Variants in ARB2A observed in about 807,000 individuals in gnomAD.
The protein encoded by ARB2A is cotranscriptional regulator ARB2A.
the ARB2A span, among the ~76,000 whole-genome samples, chr5:93,857,638 A>G: frequency 2.6e-5 from 4 of 152,168 alleles, no homozygotes; most frequent in African/African-American, 9.7e-5. Flanking sequence ...GCCCGTCGGA[A>G]AAGTGCAGTA....
At chr5:94,000,537 T>C in the ARB2A span, among the ~76,000 whole-genome samples, 2 of 152,282 alleles carry the variant, frequency 1.3e-5, no homozygotes, top group Admixed American at 1.3e-4. Context: ...TTAAGAGATC[T>C]TTGTTATTTT....
chr5:93,735,010 G>C, the ARB2A span: 1 of 152,086 alleles, frequency 6.6e-6, no homozygotes, highest in Non-Finnish European at 1.5e-5. Context: ...GTCCACCTCG[G>C]CCTCCCAAAG....
the ARB2A span, among the ~76,000 whole-genome samples, chr5:93,757,257 G>T: frequency 6.6e-6 from 1 of 152,090 alleles, no homozygotes; most frequent in Non-Finnish European, 1.5e-5. Flanking sequence ...GAGAATAATT[G>T]GTGTTCCTGA....
At chr5:93,830,341 A>G in the ARB2A span, among the ~76,000 whole-genome samples, 14 of 141,066 alleles carry the variant, frequency 9.9e-5, no homozygotes, top group Admixed American at 2.9e-4. Flanking sequence ...ATATATATAT[A>G]TATATATATA....
At chr5:94,055,941 G>A in the ARB2A span, 1 of 977,264 alleles carries the variant, frequency 1.0e-6, no homozygotes, top group Non-Finnish European at 1.2e-6. Flanking sequence ...TCACTTTAAA[G>A]ATTTCAAAGC....
At chr5:93,747,419 CT>C in the ARB2A span, among the ~76,000 whole-genome samples, 165 of 152,100 alleles carry the variant, frequency 1.1e-3, no homozygotes, top group Admixed American at 1.8e-3. Context: ...AAAATGAACT[CT>C]TATTTTAACT....
the ARB2A span, among the ~76,000 whole-genome samples, chr5:93,936,924 T>C: frequency 1.3e-5 from 2 of 152,160 alleles, no homozygotes; most frequent in South Asian, 4.1e-4. Context: ...ACTGATACAT[T>C]TTTTAAATTA....
chr5:93,938,987 A>G, the ARB2A span, among the ~76,000 whole-genome samples: 43 of 152,226 alleles, frequency 2.8e-4, 1 homozygote, highest in Admixed American at 2.7e-3. Flanking sequence ...GAAGTACATT[A>G]AACTTTCCTT....
chr5:93,625,847 G>A, the ARB2A span, among the ~76,000 whole-genome samples: 1 of 152,190 alleles, frequency 6.6e-6, no homozygotes, highest in African/African-American at 2.4e-5. Flanking sequence ...AAACAGCACT[G>A]AGGGTGGAAT....
the ARB2A span, among the ~76,000 whole-genome samples, chr5:93,804,486 A>G: frequency 1.3e-5 from 2 of 151,914 alleles, no homozygotes; most frequent in Non-Finnish European, 2.9e-5. Flanking sequence ...ATATAACTGT[A>G]TTATACTTTC....
At chr5:93,744,434 C>CAAAAAAAAAAAAAAAAAAAAAAAAAA in the ARB2A span, among the ~76,000 whole-genome samples, 1 of 14,536 alleles carries the variant, frequency 6.9e-5, no homozygotes, top group Non-Finnish European at 1.3e-4. Flanking sequence ...GACTCAGTCT[C>CAAAAAAAAAAAAAAAAAAAAAAAAAA]AAAAAAAAAA....
At chr5:93,798,300 A>G in the ARB2A span, among the ~76,000 whole-genome samples, 1 of 152,114 alleles carries the variant, frequency 6.6e-6, no homozygotes, top group Non-Finnish European at 1.5e-5. Context: ...ACCAGCACAT[A>G]CTATGATCTA....
At chr5:93,854,801 G>A in the ARB2A span, among the ~76,000 whole-genome samples, 1 of 152,190 alleles carries the variant, frequency 6.6e-6, no homozygotes, top group Non-Finnish European at 1.5e-5. Flanking sequence ...GTTCTAGTTT[G>A]ATTGCACTGT....
the ARB2A span, among the ~76,000 whole-genome samples, chr5:93,881,904 T>C: frequency 6.6e-6 from 1 of 151,258 alleles, no homozygotes; most frequent in Non-Finnish European, 1.5e-5. Context: ...TTATTATTTA[T>C]AAGAACAAAA....
chr5:93,865,092 CT>C, the ARB2A span, among the ~76,000 whole-genome samples: 1 of 151,412 alleles, frequency 6.6e-6, no homozygotes, highest in African/African-American at 2.4e-5. Context: ...TGGCTAATTT[CT>C]TTTTTTTTGA....
chr5:93,928,776 C>G, the ARB2A span, among the ~76,000 whole-genome samples: 1 of 151,760 alleles, frequency 6.6e-6, no homozygotes, highest in African/African-American at 2.4e-5. Flanking sequence ...ATGAAGGTTC[C>G]AAATTTAGAT....
chr5:94,102,004 T>C, the ARB2A span, among the ~76,000 whole-genome samples: 2 of 151,304 alleles, frequency 1.3e-5, no homozygotes, highest in Non-Finnish European at 1.5e-5. Context: ...CTCCCCGTCA[T>C]AGTGTAAATA....
the ARB2A span, among the ~76,000 whole-genome samples, chr5:93,654,154 C>T: frequency 6.6e-6 from 1 of 152,066 alleles, no homozygotes; most frequent in South Asian, 2.1e-4. Context: ...AAAATGAAAA[C>T]CGGTGAGTCT....
chr5:93,952,419 G>T, the ARB2A span, among the ~76,000 whole-genome samples: 1 of 152,072 alleles, frequency 6.6e-6, no homozygotes, highest in Non-Finnish European at 1.5e-5. Context: ...TGTGTTTGAA[G>T]AATATTTTCC....
Sources: allele counts gnomAD v4.1 joint callset (sites outside exome capture counted in the v4.1 genomes callset), GRCh38; gene constraint gnomAD v4.1.1; transcripts MANE v1.5; gene names NCBI Gene and HGNC (gene_info 2026-07-23, HGNC 2026-07-21).